MYO9A: variants seen among roughly 807,000 people sequenced by gnomAD.
The protein encoded by MYO9A is myosin IXA.
Under a neutral mutation model 293.3 loss-of-function variants are expected in MYO9A, and 103 were observed. The ratio of observed to expected loss-of-function variants is 0.35; its 90% confidence interval spans 0.30 to 0.41. The LOEUF (loss-of-function observed/expected upper bound fraction) is 0.41, where lower values mean the gene tolerates loss of function less well. Among genes scored for constraint, MYO9A ranks in the 10% least tolerant of loss-of-function variants. The pLI is 1.00. For missense variants in MYO9A, 2,685 were observed against 3,033.0 expected, an observed-to-expected ratio of 0.89 and a Z score of 2.69; for synonymous variants, 1,001 against 1,035.7, an observed-to-expected ratio of 0.97 and a Z score of 0.64.
At chr15:71,922,889 T>C (rs2058191626) in intron 18 of MYO9A, among the ~76,000 whole-genome samples, 1 of 152,180 alleles carries the variant, frequency 6.6e-6, no homozygotes, top group Admixed American at 6.5e-5. Context: ...TTCTCTTGCT[T>C]ACTTGCTCTG....
chr15:71,850,181 C>G lies in MYO9A; in HGVS notation c.6582-14G>C, dbSNP rs1555461888. 1.2e-6 allele frequency: 2 copies of G among 1,612,974 alleles called. No individual in the cohort carries two copies. Among genetic ancestry groups the G allele is most frequent in the Non-Finnish European group, 1.7e-6 (2 of 1,179,402 alleles). On this transcript the variant is annotated splice_polypyrimidine_tract_variant and intron_variant, in intron 37 of 41. Coordinates refer to ENST00000356056, the MANE Select transcript of MYO9A (RefSeq NM_006901.4). The stretch of plus-strand genomic sequence containing the variant: ...TGCAGAGCAATCCTAAGAATTAAAA[C>G]AAAACAAAAAACAAATGAGTAAGGG...
chr15:71,953,218 AC>A (rs1425274790), intron 14 of MYO9A, among the ~76,000 whole-genome samples: 1 of 152,148 alleles, frequency 6.6e-6, no homozygotes, highest in Non-Finnish European at 1.5e-5. Flanking sequence ...CGATAAACAT[AC>A]TCTGTTCTCA....
intron 4 of MYO9A, among the ~76,000 whole-genome samples, chr15:72,025,013 A>C (rs972940504): frequency 2.6e-5 from 4 of 152,180 alleles, no homozygotes; most frequent in Non-Finnish European, 5.9e-5. Context: ...CAAATGCTCT[A>C]ATCTAAAGGT....
chr15:71,959,848 T>TTA (rs1555491903), intron 14 of MYO9A, 53 bp downstream of exon 14: 26 of 1,149,048 alleles, frequency 2.3e-5, no homozygotes, highest in Middle Eastern at 2.2e-4. Context: ...AGTAGAAAGG[T>TTA]AAAAAAAAAA....
intron 1 of MYO9A, among the ~76,000 whole-genome samples, chr15:72,081,788 T>C (rs751117831): frequency 2.6e-5 from 4 of 152,230 alleles, no homozygotes; most frequent in Non-Finnish European, 5.9e-5. Flanking sequence ...CACCATTTAT[T>C]GAGGAGGGAG....
chr15:71,860,969 C>CAAAA lies in MYO9A; in HGVS notation c.6092-1177_6092-1174dup, dbSNP rs61030744. On this transcript the variant is annotated intron_variant, in intron 33 of 41. Transcript: ENST00000356056. Reference sequence around the variant, plus strand: ...GCAACAAAGTTAGACTCCATCTCACCAAAAAAAAAAAAAAAAAAAAAAAAA... The same window carrying CAAAA: ...GCAACAAAGTTAGACTCCATCTCACCAAAAAAAAAAAAAAAAAAAAAAAAAAAAA... Among the ~76,000 whole-genome samples the CAAAA allele has an allele frequency of 6.2e-3, 199 of 32,356 alleles. 4 individuals carry two copies. The highest frequency in any genetic ancestry group is 9.1e-3 in the Admixed American group (20 of 2,186). 21.2% of individuals were successfully genotyped at this position (32,356 alleles called of 152,430 possible). A position where few individuals can be genotyped will look rare whatever the true frequency, so the allele number is the denominator to read the frequency against.
chr15:72,015,773 T>G (rs2077317523), intron 6 of MYO9A, among the ~76,000 whole-genome samples: 1 of 149,650 alleles, frequency 6.7e-6, no homozygotes, highest in Non-Finnish European at 1.5e-5. Context: ...CTGCAAACTC[T>G]GCCTCCCGGG....
chr15:71,860,969 CAAAAAAAAA>C (rs61030744), intron 33 of MYO9A, among the ~76,000 whole-genome samples: 7 of 32,420 alleles, frequency 2.2e-4, no homozygotes, highest in East Asian at 1.0e-3. Context: ...TCCATCTCAC[CAAAAAAAAA>C]AAAAAAAAAA....
intron 2 of MYO9A, among the ~76,000 whole-genome samples, chr15:72,033,764 G>A (rs1323307711): frequency 1.3e-5 from 2 of 152,172 alleles, no homozygotes; most frequent in African/African-American, 2.4e-5. Flanking sequence ...CGCTTTAAAT[G>A]TGTAGATTTT....
rs1289262175 is a variant in MYO9A, at chr15:71,956,316, AAAAAAAAAAAAAAAAT to A, written c.2182+3569_2182+3584del. On this transcript the variant is annotated intron_variant, in intron 14 of 41. Coordinates refer to ENST00000356056, the MANE Select transcript of MYO9A (RefSeq NM_006901.4). ...CACAGCGAAACCCGGCTCTTAAAAA[AAAAAAAAAAAAAAAAT>A]ATATATATATATATATATAAAATAC... 2.4e-3 allele frequency among the ~76,000 whole-genome samples: 105 copies of A among 43,930 alleles called. 2 individuals carry two copies. In the Admixed American group the frequency reaches 0.027, roughly 11 times the overall value. 28.8% of individuals were successfully genotyped at this position (43,930 alleles called of 152,430 possible).
At chr15:72,063,079 C>G (rs959104156) in intron 1 of MYO9A, among the ~76,000 whole-genome samples, 4 of 152,054 alleles carry the variant, frequency 2.6e-5, no homozygotes, top group Non-Finnish European at 5.9e-5. Context: ...AATGGAGAAC[C>G]CAGAAATGAA....
chr15:71,962,403 T>C (rs2075768896), intron 13 of MYO9A, among the ~76,000 whole-genome samples: 1 of 152,198 alleles, frequency 6.6e-6, no homozygotes. Flanking sequence ...CTAATTCTTC[T>C]TTATTCTCCT....
At chr15:72,081,567 A>G (rs1210956126) in intron 1 of MYO9A, among the ~76,000 whole-genome samples, 1 of 151,934 alleles carries the variant, frequency 6.6e-6, no homozygotes, top group Non-Finnish European at 1.5e-5. Context: ...CTCTTTGTCA[A>G]TTTTTGCTTT....
At chr15:71,873,211 G>A (rs543412592) in intron 32 of MYO9A, among the ~76,000 whole-genome samples, 70 of 152,182 alleles carry the variant, frequency 4.6e-4, no homozygotes, top group Non-Finnish European at 9.1e-4. Flanking sequence ...GAACCACCGC[G>A]CCTGGCCAGC....
chr15:71,883,420 T>C (rs949230356), intron 28 of MYO9A, among the ~76,000 whole-genome samples, 174 bp downstream of exon 28: 3 of 152,198 alleles, frequency 2.0e-5, no homozygotes, highest in African/African-American at 7.2e-5. Flanking sequence ...ACTTCTATTG[T>C]AGGAAAAATG....
At chr15:71,868,524 G>A (rs1463059883) in intron 32 of MYO9A, among the ~76,000 whole-genome samples, 2 of 152,134 alleles carry the variant, frequency 1.3e-5, no homozygotes, top group Non-Finnish European at 2.9e-5. Flanking sequence ...AATTCCATCT[G>A]TGAAGTCCCT....
chr15:71,878,981 T>C (rs1408710295), intron 30 of MYO9A, among the ~76,000 whole-genome samples: 2 of 152,044 alleles, frequency 1.3e-5, no homozygotes, highest in Non-Finnish European at 2.9e-5. Flanking sequence ...GGTCTTGAAC[T>C]CCTGACCTCA....
Position 71,897,700 on chromosome 15 carries a change from G to C in MYO9A, c.4803C>G (p.Val1601=). The change falls in exon 25 of 42, where the codon GTC becomes GTG. Residue 1601 remains valine, a synonymous_variant. Coordinates refer to ENST00000356056, the MANE Select transcript of MYO9A (RefSeq NM_006901.4). ...SAHLPPKDRP[V]TVFFERKGSP... The stretch of plus-strand genomic sequence containing the variant: ...TTCCTTTTCTTTCAAAGAACACGGT[G>C]ACAGGTCGGTCCTTTGGGGGTAAGT... 1 of 1,614,176 alleles carries C rather than the reference G, an allele frequency of 6.2e-7. No individual in the cohort carries two copies. Among genetic ancestry groups the C allele is most frequent in the South Asian group, 1.1e-5 (1 of 91,078 alleles).
intron 1 of MYO9A, among the ~76,000 whole-genome samples, chr15:72,067,099 ATAT>A (rs2079044284): frequency 1.2e-5 from 1 of 84,036 alleles, no homozygotes; most frequent in Non-Finnish European, 3.3e-5. Context: ...ATATTACATA[ATAT>A]AATCTTATAT....
Sources: gnomAD v4.1 joint callset for allele counts (sites outside exome capture counted in the v4.1 genomes callset) on GRCh38, gnomAD v4.1.1 for gene constraint, MANE v1.5 for transcripts, NCBI Gene and HGNC (gene_info 2026-07-23, HGNC 2026-07-21) for gene names.